The following SORCS1 variants were observed in gnomAD, a reference collection of about 807,000 sequenced individuals.
SORCS1 encodes the protein VPS10 domain-containing receptor SorCS1.
Under a neutral mutation model 146.1 loss-of-function variants are expected in SORCS1, and 60 were observed. That is an observed-to-expected ratio of 0.41 (90% confidence interval 0.33 to 0.51). SORCS1 has a LOEUF of 0.51. Among genes scored for constraint, SORCS1 ranks in the 20% least tolerant of loss-of-function variants. The probability of loss-of-function intolerance (pLI) is 0.21; values close to 1 mark genes in which losing one functional copy is unlikely to be tolerated. For missense variants in SORCS1, 1,352 were observed against 1,487.6 expected (o/e 0.91, Z 1.50); for synonymous variants, 637 against 584.0 (o/e 1.09, Z -1.31).
At chr10:106,965,780 C>T (rs147299990) in intron 1 of SORCS1, among the ~76,000 whole-genome samples, 5 of 152,260 alleles carry the variant, frequency 3.3e-5, no homozygotes, top group South Asian at 2.1e-4. Flanking sequence ...GAAATGCCCT[C>T]GCTTTCTGTT....
intron 5 of SORCS1, among the ~76,000 whole-genome samples, chr10:106,753,551 T>C (rs772124034): frequency 2.0e-5 from 3 of 152,278 alleles, no homozygotes; most frequent in South Asian, 4.1e-4. Context: ...GAGGCTATTT[T>C]ATATTCTGGA....
chr10:107,047,098 C>T (rs966235627), intron 1 of SORCS1, among the ~76,000 whole-genome samples: 3 of 152,178 alleles, frequency 2.0e-5, no homozygotes, highest in Non-Finnish European at 4.4e-5. Context: ...AAGCCATTTT[C>T]CTGCCTCGGC....
At chr10:106,750,182 C>A (rs900316679) in intron 5 of SORCS1, among the ~76,000 whole-genome samples, 1 of 151,906 alleles carries the variant, frequency 6.6e-6, no homozygotes, top group Non-Finnish European at 1.5e-5. Context: ...TTCCCTCTTA[C>A]CCTCACTCAT....
chr10:106,919,082 C>G (rs896751404), intron 2 of SORCS1, among the ~76,000 whole-genome samples: 15 of 152,238 alleles, frequency 9.9e-5, no homozygotes, highest in African/African-American at 3.6e-4. Context: ...AGTGACCCAC[C>G]AACCTTGGCC....
intron 5 of SORCS1, among the ~76,000 whole-genome samples, chr10:106,734,907 C>T (rs4478914): frequency 0.43 from 65,802 of 151,788 alleles, 14,319 homozygotes; most frequent in African/African-American, 0.46. Flanking sequence ...TGGTGGCTCA[C>T]ACCTATAATC....
At chr10:107,161,302 G>T (rs1969685021) in intron 1 of SORCS1, among the ~76,000 whole-genome samples, 1 of 152,202 alleles carries the variant, frequency 6.6e-6, no homozygotes, top group Non-Finnish European at 1.5e-5. Context: ...GGTGAGAAGG[G>T]TTCACAGGAT....
chr10:107,078,180 A>G (rs1963040228), intron 1 of SORCS1, among the ~76,000 whole-genome samples: 2 of 152,194 alleles, frequency 1.3e-5, no homozygotes, highest in Non-Finnish European at 2.9e-5. Flanking sequence ...ATTTTCAGTA[A>G]TTCACCAATA....
intron 1 of SORCS1, among the ~76,000 whole-genome samples, chr10:107,078,565 C>T (rs190784967): frequency 2.6e-5 from 4 of 152,170 alleles, no homozygotes; most frequent in African/African-American, 9.6e-5. Flanking sequence ...GGACACACCT[C>T]TTCCATTCAG....
chr10:106,987,089 T>C (rs1227895049), intron 1 of SORCS1, among the ~76,000 whole-genome samples: 1 of 152,246 alleles, frequency 6.6e-6, no homozygotes, highest in Non-Finnish European at 1.5e-5. Context: ...TTCTTCTGAA[T>C]AATTTTTTCA....
chr10:106,891,959 C>T (rs1951254822), intron 2 of SORCS1, among the ~76,000 whole-genome samples: 1 of 152,156 alleles, frequency 6.6e-6, no homozygotes, highest in Admixed American at 6.5e-5. Context: ...CCACAGCGTT[C>T]TCAATTGGGT....
intron 20 of SORCS1, 69 bp from the exon 21 acceptor site, chr10:106,618,341 G>T: frequency 6.3e-7 from 1 of 1,580,638 alleles, no homozygotes; most frequent in Non-Finnish European, 8.6e-7. Context: ...CACTAACTGT[G>T]AGCCAACAAT....
chr10:106,728,252 T>C (rs1339089568), intron 6 of SORCS1, among the ~76,000 whole-genome samples: 1 of 152,076 alleles, frequency 6.6e-6, no homozygotes, highest in African/African-American at 2.4e-5. Flanking sequence ...GGATGGTCTC[T>C]ATCTCCAGTA....
intron 5 of SORCS1, among the ~76,000 whole-genome samples, chr10:106,741,616 T>A (rs1857368808): frequency 6.6e-6 from 1 of 150,560 alleles, no homozygotes; most frequent in African/African-American, 2.5e-5. Flanking sequence ...TAATAATAAT[T>A]ATATATAGAG....
In SORCS1 at chr10:107,153,349, C is replaced by G. The variant is rs140203467; in HGVS notation, c.558+10620G>C. Among the ~76,000 whole-genome samples the G allele has an allele frequency of 1.0e-3, 153 of 152,160 alleles. 1 individual carries two copies. The highest frequency in any genetic ancestry group is 3.7e-3 in the African/African-American group (152 of 41,514). On this transcript the variant is annotated intron_variant, in intron 1 of 25. Coordinates refer to ENST00000263054, the MANE Select transcript of SORCS1 (RefSeq NM_052918.5). ...GTGAATGTATACAGACATATAAGAG[C>G]GCACATATTTATTATGTATATATTT...
chr10:106,984,833 C>G (rs2139391759), intron 1 of SORCS1, among the ~76,000 whole-genome samples: 1 of 152,104 alleles, frequency 6.6e-6, no homozygotes, highest in East Asian at 1.9e-4. Flanking sequence ...CTCATGGACA[C>G]AGGAATATGA....
At chr10:107,165,284 C>CGTGTGTGAGTGT (rs1970013939), upstream of SORCS1, among the ~76,000 whole-genome samples, 1 of 72,982 alleles carries the variant, frequency 1.4e-5, no homozygotes, top group Admixed American at 1.3e-4. The surrounding 1 kb of genome is among the most constrained non-coding windows in gnomAD (Gnocchi z 4.0). Flanking sequence ...TAAATGATCT[C>CGTGTGTGAGTGT]GTGTGTGAGT....
chr10:106,764,474 T>C (rs1310542343), intron 4 of SORCS1, among the ~76,000 whole-genome samples: 1 of 152,182 alleles, frequency 6.6e-6, no homozygotes, highest in Non-Finnish European at 1.5e-5. Context: ...TTAATAAAAT[T>C]CATAGTGTTG....
chr10:107,024,842 C>T (rs1307173119), intron 1 of SORCS1, among the ~76,000 whole-genome samples: 1 of 151,998 alleles, frequency 6.6e-6, no homozygotes, highest in Non-Finnish European at 1.5e-5. Context: ...AAAATGGCTG[C>T]AAAACATTTA....
In SORCS1 at chr10:106,579,345, G is replaced by A. The variant is rs374907463; in HGVS notation, c.3371+24C>T. ...GAGAAGGAAGAGGTCAGGGGTGGGG[G>A]AACGTGGATAGAGGGACACGCACCT... On this transcript the variant is annotated intron_variant, in intron 25 of 25. Coordinates refer to ENST00000263054, the MANE Select transcript of SORCS1 (RefSeq NM_052918.5). 476 of 1,613,892 alleles carry A rather than the reference G, an allele frequency of 2.9e-4. 1 individual carries two copies. The highest frequency in any genetic ancestry group is 1.1e-3 in the South Asian group (100 of 91,064).
Sources: allele counts gnomAD v4.1 joint callset (sites outside exome capture counted in the v4.1 genomes callset), GRCh38; gene constraint gnomAD v4.1.1; non-coding constraint Gnocchi (gnomAD v3.1); transcripts MANE v1.5; gene names NCBI Gene and HGNC (gene_info 2026-07-23, HGNC 2026-07-21).